Variants in ZNF831 observed in about 807,000 individuals in gnomAD.
ZNF831 encodes the protein chromosome 20 open reading frame 174.
Under a neutral mutation model 95.8 loss-of-function variants are expected in ZNF831, and 59 were observed. The observed-to-expected ratio is 0.62, with a 90% CI of 0.50 to 0.77. The LOEUF (loss-of-function observed/expected upper bound fraction) is 0.77, where lower values mean the gene tolerates loss of function less well. ZNF831 is among the 30% of genes least tolerant of loss of function. The pLI is 0.00. For synonymous variants in ZNF831, 961 were observed against 925.5 expected, an observed-to-expected ratio of 1.04 and a Z score of -0.70; for missense variants, 2,205 against 2,164.0, an observed-to-expected ratio of 1.02 and a Z score of -0.38.
intron 5 of ZNF831, 29 bp from the exon 6 acceptor site, chr20:59,253,869 C>CCCTTTTTTTT: frequency 4.7e-6 from 5 of 1,067,572 alleles, no homozygotes; most frequent in Admixed American, 2.6e-5. Context: ...TCCCCCCCCA[C>CCCTTTTTTTT]TTTTTTTTTC....
chr20:59,223,202 A>G (rs1328733563), intron 4 of ZNF831, among the ~76,000 whole-genome samples: 1 of 152,068 alleles, frequency 6.6e-6, no homozygotes, highest in Non-Finnish European at 1.5e-5. Context: ...GAAAGAAGAA[A>G]AAGGACAAAA....
chr20:59,196,348 T>C (rs1856397066), intron 3 of ZNF831, among the ~76,000 whole-genome samples: 1 of 152,318 alleles, frequency 6.6e-6, no homozygotes, highest in East Asian at 1.9e-4. Context: ...GCAGAAAAAT[T>C]TGACAATACA....
intron 4 of ZNF831, among the ~76,000 whole-genome samples, chr20:59,246,532 CT>C (rs1386567144): frequency 6.6e-6 from 1 of 152,098 alleles, no homozygotes; most frequent in Non-Finnish European, 1.5e-5. Flanking sequence ...TTTTTATTGT[CT>C]TTTTTCCTTC....
At chr20:59,251,764 T>A (rs946653090) in intron 4 of ZNF831, among the ~76,000 whole-genome samples, 4 of 152,174 alleles carry the variant, frequency 2.6e-5, no homozygotes, top group Non-Finnish European at 5.9e-5. Flanking sequence ...AAAATGATTT[T>A]AGAAATGAGT....
intron 1 of ZNF831, among the ~76,000 whole-genome samples, chr20:59,128,158 G>A (rs923201791): frequency 6.6e-6 from 1 of 152,208 alleles, no homozygotes; most frequent in South Asian, 2.1e-4. Flanking sequence ...ATCACAGATT[G>A]TGACAAATGC....
At chr20:59,236,142 G>C (rs2146710857) in intron 4 of ZNF831, among the ~76,000 whole-genome samples, 1 of 152,254 alleles carries the variant, frequency 6.6e-6, no homozygotes, top group East Asian at 1.9e-4. Context: ...CTTCCTTCCT[G>C]TTCTGTTCGA....
At chr20:59,221,171 C>G (rs1012584075) in intron 4 of ZNF831, among the ~76,000 whole-genome samples, 1 of 152,160 alleles carries the variant, frequency 6.6e-6, no homozygotes, top group Non-Finnish European at 1.5e-5. Flanking sequence ...ATTTTCCCCC[C>G]AGGTCTGGAC....
rs140905321 is a variant in ZNF831, at chr20:59,148,320, T to C, written c.-1281+1946T>C. 2.7e-4 allele frequency among the ~76,000 whole-genome samples: 41 copies of C among 152,214 alleles called. No homozygotes were observed. The East Asian group carries it at 7.7e-3, about 29-fold the overall frequency. On this transcript the variant is annotated intron_variant, in intron 2 of 7. Transcript: ENST00000637017. ...GGTGCACATGAGCTCTGAGGACCAG[T>C]GGCAAAGTCCCTGTTCAGTCCTTGG... is the stretch of plus-strand genomic sequence containing the variant.
intron 3 of ZNF831, among the ~76,000 whole-genome samples, chr20:59,196,589 C>T (rs1984122812): frequency 6.6e-6 from 1 of 152,188 alleles, no homozygotes; most frequent in African/African-American, 2.4e-5. Flanking sequence ...CCGTTGCATA[C>T]AAGTTGAAAA....
In ZNF831 at chr20:59,192,861, GTTC is replaced by G; in HGVS notation, c.1844_1846del (p.Phe615del). On this transcript the variant is annotated inframe_deletion, in exon 2 of 6. Transcript: ENST00000371030. This position sits in a 1 kb window ranked among gnomAD's most constrained non-coding sequence, Gnocchi z 5.2. The stretch of plus-strand genomic sequence containing the variant: ...AGTGCGGCCAGAGAAGGCTGAAGAT[GTTC>G]TCCCAGGAGAAGTGGCAGGTGTACG... The G allele has an allele frequency of 6.2e-7, 1 of 1,602,078 alleles. No homozygotes were observed. Among genetic ancestry groups the G allele is most frequent in the Non-Finnish European group, 8.5e-7 (1 of 1,174,412 alleles).
chr20:59,240,246 T>C (rs1431159633), intron 4 of ZNF831, among the ~76,000 whole-genome samples: 1 of 151,982 alleles, frequency 6.6e-6, no homozygotes, highest in Non-Finnish European at 1.5e-5. Flanking sequence ...ATGCTTGACA[T>C]TGTTTACACT....
At chr20:59,185,538 A>C (rs1278091737) in intron 1 of ZNF831, among the ~76,000 whole-genome samples, 2 of 152,036 alleles carry the variant, frequency 1.3e-5, no homozygotes, top group African/African-American at 4.8e-5. Flanking sequence ...GCCCCCACTG[A>C]GACACCCCTC....
At chr20:59,137,744 G>A (rs1177584634) in intron 1 of ZNF831, among the ~76,000 whole-genome samples, 3 of 152,236 alleles carry the variant, frequency 2.0e-5, no homozygotes, top group African/African-American at 7.2e-5. Context: ...CCAGCACTGG[G>A]TGGAGGGACC....
chr20:59,239,743 C>T (rs986169043), intron 4 of ZNF831, among the ~76,000 whole-genome samples: 1 of 152,134 alleles, frequency 6.6e-6, no homozygotes, highest in Non-Finnish European at 1.5e-5. Context: ...CAGCGTTTCA[C>T]CATGTTGGCC....
chr20:59,225,012 G>A (rs1250487973), intron 4 of ZNF831, among the ~76,000 whole-genome samples: 1 of 151,574 alleles, frequency 6.6e-6, no homozygotes, highest in African/African-American at 2.4e-5. Context: ...CTTTTAACTG[G>A]TGGGGGAAAA....
chr20:59,217,381 T>A lies in ZNF831; in HGVS notation c.4027+10325T>A, dbSNP rs199739544. On this transcript the variant is annotated intron_variant, in intron 4 of 5. Transcript: ENST00000371030. The surrounding 1 kb of genome is among the most constrained non-coding windows in gnomAD (Gnocchi z 4.4). The stretch of plus-strand genomic sequence containing the variant: ...CTCCTATTAACGAAGAGTTTGGTCA[T>A]CACCAGTGTTTCACACTTGCATCAT... Among the ~76,000 whole-genome samples the A allele has an allele frequency of 1.2e-4, 18 of 152,382 alleles. No individual in the cohort carries two copies. In the East Asian group the frequency reaches 3.3e-3, roughly 28 times the overall value.
At chr20:59,221,217 T>TG (rs1400303869) in intron 4 of ZNF831, among the ~76,000 whole-genome samples, 1 of 152,164 alleles carries the variant, frequency 6.6e-6, no homozygotes, top group African/African-American at 2.4e-5. Flanking sequence ...AGGCAGTGAA[T>TG]GGTGCAGGTC....
intron 4 of ZNF831, among the ~76,000 whole-genome samples, chr20:59,211,433 G>C (rs1395873448): frequency 6.6e-6 from 1 of 152,256 alleles, no homozygotes; most frequent in Non-Finnish European, 1.5e-5. Flanking sequence ...AAGTGTCAGA[G>C]AGGGAACCGG....
At position 59,194,356 on chromosome 20, in the gene ZNF831, G is replaced by A. The variant is rs2146598197; in HGVS notation, c.3337G>A (p.Asp1113Asn). 6.2e-7 allele frequency: 1 copy of A among 1,612,754 alleles called. No individual in the cohort carries two copies. Among genetic ancestry groups the A allele is most frequent in the Non-Finnish European group, 8.5e-7 (1 of 1,179,488 alleles). Residue 1113 changes from aspartate to asparagine, a missense_variant, in exon 2 of 6, where the codon GAT becomes AAT. Coordinates refer to ENST00000371030, the MANE Select transcript of ZNF831 (RefSeq NM_178457.3). ...LGEPPGNAPE[D>N]PSSGPLVGPD... is the part of the protein sequence containing the mutation. ...GGAGCCTCCTGGGAATGCCCCAGAA[G>A]ATCCTTCTTCAGGGCCCCTGGTGGG... is the stretch of plus-strand genomic sequence containing the variant.
Sources: gnomAD v4.1 joint callset for allele counts (sites outside exome capture counted in the v4.1 genomes callset) on GRCh38, gnomAD v4.1.1 for gene constraint, Gnocchi (gnomAD v3.1) non-coding constraint, MANE v1.5 for transcripts, NCBI Gene and HGNC (gene_info 2026-07-23, HGNC 2026-07-21) for gene names.